Variants in ATG13 observed in about 807,000 individuals in gnomAD.
The protein encoded by ATG13 is autophagy-related protein 13.
In ATG13, 23 loss-of-function variants were observed where a neutral mutation model predicts 65.5. That is an observed-to-expected ratio of 0.35 (90% CI 0.25 to 0.50). The LOEUF (loss-of-function observed/expected upper bound fraction) is 0.50. Among genes scored for constraint, ATG13 ranks in the 20% least tolerant of loss-of-function variants. The probability of loss-of-function intolerance (pLI) is 0.98; values close to 1 mark genes in which losing one functional copy is unlikely to be tolerated. For synonymous variants in ATG13, 252 were observed against 245.2 expected, an observed-to-expected ratio of 1.03 and a Z score of -0.26; for missense variants, 566 against 677.0, an observed-to-expected ratio of 0.84 and a Z score of 1.82.
At chr11:46,630,216 A>G (rs998250929) in intron 2 of ATG13, 116 bp downstream of exon 2, 3 of 152,248 alleles carry the variant, frequency 2.0e-5, no homozygotes, top group African/African-American at 7.2e-5. Flanking sequence ...GAGATTCTCT[A>G]CATTTTTGGG....
intron 2 of ATG13, among the ~76,000 whole-genome samples, chr11:46,641,972 G>A (rs531233754): frequency 6.6e-6 from 1 of 151,904 alleles, no homozygotes; most frequent in Admixed American, 6.6e-5. Context: ...GAGACGGGTT[G>A]TGCCATGTTG....
At chr11:46,669,967 A>G (rs1020329101) in intron 18 of ATG13, among the ~76,000 whole-genome samples, 1 of 152,142 alleles carries the variant, frequency 6.6e-6, no homozygotes, top group African/African-American at 2.4e-5. Context: ...ACACTTGACC[A>G]GATGTCCTGA....
At chr11:46,654,942 T>G (rs2059718172) in intron 7 of ATG13, among the ~76,000 whole-genome samples, 1 of 149,552 alleles carries the variant, frequency 6.7e-6, no homozygotes, top group Non-Finnish European at 1.5e-5. Flanking sequence ...CTACCAAAAA[T>G]ACAAAAATTA....
At chr11:46,655,321 C>A (rs1205889755) in intron 7 of ATG13, among the ~76,000 whole-genome samples, 1 of 152,154 alleles carries the variant, frequency 6.6e-6, no homozygotes, top group Non-Finnish European at 1.5e-5. Context: ...TGGCATGAAC[C>A]TGGGAGGCGG....
intron 3 of ATG13, 116 bp downstream of exon 3, chr11:46,644,476 A>C (rs1022722631): frequency 3.5e-6 from 3 of 868,056 alleles, no homozygotes; most frequent in Non-Finnish European, 5.3e-6. Context: ...GCCCATTTTA[A>C]GGGATACTTC....
intron 11 of ATG13, 57 bp from the exon 12 acceptor site, chr11:46,663,940 C>CTTTTCTTTTTTTTTTTTTTTTTTTT: frequency 1.7e-6 from 2 of 1,158,658 alleles, no homozygotes; most frequent in Non-Finnish European, 2.4e-6. Context: ...TCTCAAGTCC[C>CTTTTCTTTTTTTTTTTTTTTTTTTT]TTTTCTTTTT....
chr11:46,656,332 G>C (rs2060040141), intron 8 of ATG13, 59 bp downstream of exon 8: 1 of 1,485,868 alleles, frequency 6.7e-7, no homozygotes, highest in African/African-American at 1.4e-5. Flanking sequence ...CTTCAGAGAT[G>C]ATCTTCGTTT....
intron 1 of ATG13, chr11:46,625,269 C>CTTTTTTTTTTTTTTTT (rs59095357): frequency 1.2e-5 from 1 of 84,386 alleles, no homozygotes; most frequent in African/African-American, 5.2e-5. Flanking sequence ...CTTGCTCTTT[C>CTTTTTTTTTTTTTTTT]TTTTTTTTTT....
chr11:46,621,655 T>G (rs1429470508), intron 1 of ATG13, among the ~76,000 whole-genome samples: 5 of 152,148 alleles, frequency 3.3e-5, no homozygotes, highest in Non-Finnish European at 7.3e-5. Context: ...CTCTCAACAT[T>G]GCCATGATAG....
At chr11:46,649,555 C>T (rs2058475763) in intron 6 of ATG13, among the ~76,000 whole-genome samples, 1 of 152,192 alleles carries the variant, frequency 6.6e-6, no homozygotes, top group Non-Finnish European at 1.5e-5. Context: ...GATTTCCCCT[C>T]CCTGCTCCTT....
intron 2 of ATG13, among the ~76,000 whole-genome samples, chr11:46,636,393 TA>T (rs1303156488): frequency 6.6e-6 from 1 of 151,724 alleles, no homozygotes; most frequent in Non-Finnish European, 1.5e-5. Context: ...CCGTCTCTAC[TA>T]AAAATACAAA....
At chr11:46,651,794 C>T (rs7109698) in intron 7 of ATG13, among the ~76,000 whole-genome samples, 32,836 of 152,058 alleles carry the variant, frequency 0.22, 4,306 homozygotes, top group African/African-American at 0.37. Flanking sequence ...CCGTCTTCTC[C>T]GTAGTCTTCT....
At chr11:46,668,348 G>T in intron 15 of ATG13, 151 bp from the exon 16 acceptor site, 1 of 723,766 alleles carries the variant, frequency 1.4e-6, no homozygotes. Flanking sequence ...AGCGAGCTTG[G>T]AGAGCCTCTA....
At chr11:46,659,265 T>C (rs1390754206) in intron 10 of ATG13, 127 bp from the exon 11 acceptor site, 1 of 673,666 alleles carries the variant, frequency 1.5e-6, no homozygotes, top group African/African-American at 1.8e-5. Flanking sequence ...CATGCCTTTC[T>C]TGCCAGTACG....
At position 46,668,482 on chromosome 11, in the gene ATG13, C is replaced by T. The variant is rs910079170; in HGVS notation, c.1252-17C>T. 4 of 1,612,864 alleles carry T rather than the reference C, an allele frequency of 2.5e-6. No individual in the cohort carries two copies. The highest frequency in any genetic ancestry group is 2.7e-5 in the African/African-American group (2 of 74,898). ...AGGAGGGGCAGGCATGAATGCTTTTCTCCTGTGTCTCTTCAGGTGACCCTG... is the reference window on the plus strand; with the variant it reads ...AGGAGGGGCAGGCATGAATGCTTTTTTCCTGTGTCTCTTCAGGTGACCCTG... On this transcript the variant is annotated splice_polypyrimidine_tract_variant and intron_variant, in intron 15 of 18. Transcript: ENST00000683050.
chr11:46,670,543 TCA>T (rs1424949313), intron 18 of ATG13, among the ~76,000 whole-genome samples: 2 of 151,130 alleles, frequency 1.3e-5, no homozygotes, highest in African/African-American at 2.4e-5. Context: ...GCACAGTGGC[TCA>T]CACCTGTAAT....
intron 2 of ATG13, among the ~76,000 whole-genome samples, chr11:46,633,012 ATATATATATATATATT>A (rs2052439734): frequency 9.6e-6 from 1 of 104,268 alleles, no homozygotes; most frequent in Non-Finnish European, 1.9e-5. Flanking sequence ...AAATATATAT[ATATATATATATATATT>A]TTTTTTTTTT....
At position 46,649,119 on chromosome 11, in the gene ATG13, A is replaced by G; in HGVS notation, c.271-18A>G. ...AAAAATTTTTTAAACAAATATTTTA[A>G]ATTTGTCCTTTCTACAGGGAGATTC... On this transcript the variant is annotated intron_variant, in intron 5 of 18. Coordinates refer to ENST00000683050, the MANE Select transcript of ATG13 (RefSeq NM_001346311.2). 1 of 1,605,208 alleles carries G rather than the reference A, an allele frequency of 6.2e-7. No homozygotes were observed. Among genetic ancestry groups the G allele is most frequent in the Non-Finnish European group, 8.5e-7 (1 of 1,176,086 alleles).
rs1299706656 is a variant in ATG13 at position 46,657,545 on chromosome 11, T to C, written c.618T>C (p.Pro206=). ...ACAGGCAATTTGAGAGGACCCCACCTATCATGGGGATTATTATTGATCACT... is the reference window on the plus strand; with the variant it reads ...ACAGGCAATTTGAGAGGACCCCACCCATCATGGGGATTATTATTGATCACT... ...MSTRQFERTP[P]IMGIIIDHFV... Residue 206 remains proline (P), a synonymous_variant, in exon 10 of 19, where the codon CCT becomes CCC. Transcript: ENST00000683050. The C allele has an allele frequency of 1.9e-6, 3 of 1,613,918 alleles. No individual in the cohort carries two copies. Among genetic ancestry groups the C allele is most frequent in the African/African-American group, 2.7e-5 (2 of 75,028 alleles).
Sources: allele counts gnomAD v4.1 joint callset (sites outside exome capture counted in the v4.1 genomes callset), GRCh38; gene constraint gnomAD v4.1.1; transcripts MANE v1.5; gene names NCBI Gene and HGNC (gene_info 2026-07-23, HGNC 2026-07-21).